STAG1: variants seen among roughly 807,000 people sequenced by gnomAD.
The protein encoded by STAG1 is cohesin subunit SA-1.
A neutral mutation model predicts 170.9 loss-of-function variants in STAG1; 26 were observed. That is an observed-to-expected ratio of 0.15 (90% CI 0.11 to 0.21). The LOEUF (loss-of-function observed/expected upper bound fraction) is 0.21, where lower values mean the gene tolerates loss of function less well. Ranked by LOEUF, STAG1 falls within the 10% of genes least tolerant of loss-of-function variation. STAG1 has a pLI of 1.00. For synonymous variants in STAG1, 514 were observed against 497.7 expected (o/e 1.03, Z -0.44); for missense variants, 964 against 1,509.5 (o/e 0.64, Z 5.99).
intron 1 of STAG1, among the ~76,000 whole-genome samples, chr3:136,645,688 G>T (rs978971197): frequency 2.0e-5 from 3 of 152,142 alleles, no homozygotes; most frequent in Non-Finnish European, 4.4e-5. Flanking sequence ...CAACTATCTG[G>T]AACATAGCTG....
intron 28 of STAG1, among the ~76,000 whole-genome samples, chr3:136,352,441 T>G (rs2108271912): frequency 6.6e-6 from 1 of 152,284 alleles, no homozygotes; most frequent in Middle Eastern, 3.4e-3. Context: ...ATTATAGGTG[T>G]GAGCCACAGC....
chr3:136,690,215 T>A (rs1942677460), intron 1 of STAG1, among the ~76,000 whole-genome samples: 1 of 152,018 alleles, frequency 6.6e-6, no homozygotes, highest in South Asian at 2.1e-4. Context: ...CCAGTGGAAA[T>A]AAGGAAACCA....
intron 22 of STAG1, among the ~76,000 whole-genome samples, chr3:136,397,216 A>T (rs1461688153): frequency 6.6e-6 from 1 of 152,196 alleles, no homozygotes; most frequent in African/African-American, 2.4e-5. Flanking sequence ...ACATGAAATA[A>T]CTGAAACATT....
intron 1 of STAG1, among the ~76,000 whole-genome samples, chr3:136,676,473 G>GTCTT (rs1280160753): frequency 1.3e-5 from 2 of 152,046 alleles, no homozygotes; most frequent in Admixed American, 6.6e-5. Flanking sequence ...TTGAGACAGG[G>GTCTT]TCTTGTTCTG....
chr3:136,508,522 T>C (rs375007099), intron 7 of STAG1, among the ~76,000 whole-genome samples: 3 of 152,090 alleles, frequency 2.0e-5, no homozygotes, highest in African/African-American at 4.8e-5. Context: ...ACTCCATCTC[T>C]ACAAAAAATT....
At chr3:136,504,906 T>G (rs1337634167) in intron 7 of STAG1, among the ~76,000 whole-genome samples, 1 of 152,162 alleles carries the variant, frequency 6.6e-6, no homozygotes, top group Non-Finnish European at 1.5e-5. Context: ...AGTAAAGTAA[T>G]CAACATACTA....
At chr3:136,727,842 A>G (rs1307180129) in intron 1 of STAG1, among the ~76,000 whole-genome samples, 2 of 152,120 alleles carry the variant, frequency 1.3e-5, no homozygotes, top group Admixed American at 6.6e-5. Flanking sequence ...ATTATTAACA[A>G]TATCGGTGTT....
intron 1 of STAG1, among the ~76,000 whole-genome samples, chr3:136,727,333 G>A (rs1933745057): frequency 6.6e-6 from 1 of 152,110 alleles, no homozygotes; most frequent in Non-Finnish European, 1.5e-5. Flanking sequence ...TGAAGGGGAG[G>A]GGAGGAGAGA....
intron 4 of STAG1, among the ~76,000 whole-genome samples, chr3:136,601,057 C>CA (rs1256427982): frequency 2.0e-5 from 3 of 151,296 alleles, no homozygotes; most frequent in Non-Finnish European, 2.9e-5. Flanking sequence ...GACAGGGTTT[C>CA]ACCATGTTGG....
chr3:136,410,346 G>C (rs2087592148), intron 21 of STAG1, among the ~76,000 whole-genome samples: 1 of 151,860 alleles, frequency 6.6e-6, no homozygotes, highest in Non-Finnish European at 1.5e-5. Flanking sequence ...GTTGCCTGCA[G>C]TGAGCTGAGA....
intron 9 of STAG1, among the ~76,000 whole-genome samples, chr3:136,479,036 T>G (rs1302682600): frequency 3.3e-5 from 5 of 150,974 alleles, no homozygotes; most frequent in Non-Finnish European, 7.4e-5. Context: ...ATCCTTCCAT[T>G]AAATGTTGGC....
At chr3:136,677,191 T>A (rs186782926) in intron 1 of STAG1, among the ~76,000 whole-genome samples, 2 of 152,338 alleles carry the variant, frequency 1.3e-5, no homozygotes, top group Admixed American at 1.3e-4. Context: ...TCAAGTATTA[T>A]GTACTATATG....
chr3:136,726,262 C>A (rs1163975231), intron 1 of STAG1, among the ~76,000 whole-genome samples: 1 of 152,142 alleles, frequency 6.6e-6, no homozygotes, highest in African/African-American at 2.4e-5. Context: ...ATCCCCAGGT[C>A]TCTATCCACT....
chr3:136,662,720 C>T (rs1013329735), intron 1 of STAG1, among the ~76,000 whole-genome samples: 6 of 151,990 alleles, frequency 3.9e-5, no homozygotes, highest in Non-Finnish European at 7.4e-5. Context: ...ACTAGGATTA[C>T]AGGCAAAAGC....
At chr3:136,542,775 T>C (rs995464402) in intron 5 of STAG1, among the ~76,000 whole-genome samples, 9 of 151,964 alleles carry the variant, frequency 5.9e-5, no homozygotes, top group African/African-American at 9.7e-5. Context: ...AACATTTGGG[T>C]GCTTACTATC....
intron 1 of STAG1, among the ~76,000 whole-genome samples, chr3:136,683,657 C>T (rs560383326): frequency 5.3e-5 from 8 of 152,144 alleles, no homozygotes; most frequent in African/African-American, 1.9e-4. Context: ...GGCAAGGATG[C>T]CCTCACCTTT....
Position 136,554,332 on chromosome 3 carries a change from C to T in STAG1, c.395-12137G>A, listed in dbSNP as rs527262333. On this transcript the variant is annotated intron_variant, in intron 5 of 33. Transcript: ENST00000383202. ...ATGTGGGATTTTAACATACACCCCT[C>T]TCAGTAATCATCAGAACAAGCACAA... Among the ~76,000 whole-genome samples the T allele has an allele frequency of 2.0e-5, 3 of 152,234 alleles. No individual in the cohort carries two copies. The South Asian group carries it at 6.2e-4, about 32-fold the overall frequency.
intron 4 of STAG1, among the ~76,000 whole-genome samples, chr3:136,571,783 A>G (rs573008332): frequency 6.6e-6 from 1 of 152,316 alleles, no homozygotes; most frequent in Admixed American, 6.5e-5. Flanking sequence ...TGGAAAGCTG[A>G]GGCAGGAGGA....
chr3:136,459,273 A>ATTTT (rs1201511340), intron 13 of STAG1, among the ~76,000 whole-genome samples: 1 of 152,084 alleles, frequency 6.6e-6, no homozygotes, highest in East Asian at 1.9e-4. Context: ...AAAGAATACC[A>ATTTT]TTTTACAATG....
Sources: gnomAD v4.1 joint callset for allele counts (sites outside exome capture counted in the v4.1 genomes callset) on GRCh38, gnomAD v4.1.1 for gene constraint, MANE v1.5 for transcripts, NCBI Gene and HGNC (gene_info 2026-07-23, HGNC 2026-07-21) for gene names.